The following ASIC2 variants were observed in gnomAD, a reference collection of about 807,000 sequenced individuals.
ASIC2 encodes acid-sensing ion channel 2.
Under a neutral mutation model 57.3 loss-of-function variants are expected in ASIC2, and 25 were observed. The observed-to-expected ratio is 0.44, with a 90% CI of 0.32 to 0.61. The LOEUF is 0.61. Ranked by LOEUF, ASIC2 falls within the 20% of genes least tolerant of loss-of-function variation. ASIC2 has a pLI of 0.06. For synonymous variants in ASIC2, 319 were observed against 307.5 expected, an observed-to-expected ratio of 1.04 and a Z score of -0.39; for missense variants, 641 against 738.1, an observed-to-expected ratio of 0.87 and a Z score of 1.52.
Position 33,456,522 on chromosome 17 carries a change from G to A in ASIC2, c.556-344455C>T, listed in dbSNP as rs1346743601. On this transcript the variant is annotated intron_variant, in intron 1 of 9. Coordinates refer to the ASIC2 transcript ENST00000359872. ...CACCAGCTACTGGGTAGTGACTACTGATACATCTTTCTGATGGCATGTCTT... is the reference window on the plus strand; with the variant it reads ...CACCAGCTACTGGGTAGTGACTACTAATACATCTTTCTGATGGCATGTCTT... 3.3e-5 allele frequency among the ~76,000 whole-genome samples: 5 copies of A among 152,312 alleles called. No individual in the cohort carries two copies. The East Asian group carries it at 7.7e-4, about 23-fold the overall frequency.
At chr17:33,261,530 C>T (rs1004767339) in intron 1 of ASIC2, among the ~76,000 whole-genome samples, 1 of 152,098 alleles carries the variant, frequency 6.6e-6, no homozygotes, top group Non-Finnish European at 1.5e-5. Context: ...GGTTTCTATC[C>T]CCAAGGAGTT....
chr17:33,579,557 G>C (rs1307931026), intron 1 of ASIC2, among the ~76,000 whole-genome samples: 1 of 152,140 alleles, frequency 6.6e-6, no homozygotes, highest in Non-Finnish European at 1.5e-5. Flanking sequence ...GAATGAAAGG[G>C]CAGACCCTAC....
chr17:33,026,096 C>T (rs572363476), intron 4 of ASIC2, 114 bp from the exon 5 acceptor site: 42 of 1,153,020 alleles, frequency 3.6e-5, no homozygotes, highest in African/African-American at 1.7e-4. Flanking sequence ...GAAGGGGCAG[C>T]GGCCTGCCAG....
At chr17:33,676,803 T>C (rs1016526751) in intron 1 of ASIC2, among the ~76,000 whole-genome samples, 1 of 152,224 alleles carries the variant, frequency 6.6e-6, no homozygotes, top group Non-Finnish European at 1.5e-5. Context: ...TGAATACATG[T>C]CTCCACCAAA....
At chr17:33,925,342 G>T (rs972694729) in intron 1 of ASIC2, among the ~76,000 whole-genome samples, 1 of 152,228 alleles carries the variant, frequency 6.6e-6, no homozygotes, top group South Asian at 2.1e-4. Context: ...CCCCTCCAGG[G>T]AAGGCCAATG....
At chr17:33,713,145 G>A (rs1355314194) in intron 1 of ASIC2, among the ~76,000 whole-genome samples, 1 of 152,194 alleles carries the variant, frequency 6.6e-6, no homozygotes, top group African/African-American at 2.4e-5. Context: ...CAGGTCACTA[G>A]GACCAGCCCA....
intron 1 of ASIC2, among the ~76,000 whole-genome samples, chr17:33,802,626 G>A (rs751035872): frequency 7.2e-5 from 11 of 152,186 alleles, no homozygotes; most frequent in Non-Finnish European, 1.6e-4. Flanking sequence ...AGTCTGCCCT[G>A]AATTGTTTCT....
rs529396569 is a variant in ASIC2 at position 33,262,080 on chromosome 17, T to C, written c.708+29328A>G. Among the ~76,000 whole-genome samples, 347 of 152,330 alleles carry C rather than the reference T, an allele frequency of 2.3e-3. 1 individual carries two copies. Among genetic ancestry groups the C allele is most frequent in the Non-Finnish European group, 4.0e-3 (271 of 68,032 alleles). On this transcript the variant is annotated intron_variant, in intron 1 of 9. Coordinates refer to ENST00000225823, the MANE Select transcript of ASIC2 (RefSeq NM_183377.2). ...GGCTGGGGACTGAAGGGTGCTTCCT[T>C]TGAACAGTCTGTGCTCGGCGCCATG...
intron 1 of ASIC2, among the ~76,000 whole-genome samples, chr17:34,093,541 G>C (rs961085732): frequency 8.5e-5 from 13 of 152,204 alleles, no homozygotes; most frequent in African/African-American, 2.7e-4. Context: ...AATCGGGACT[G>C]ACTTATTTCA....
intron 1 of ASIC2, among the ~76,000 whole-genome samples, chr17:33,675,925 T>G (rs866932161): frequency 1.3e-5 from 2 of 152,362 alleles, no homozygotes; most frequent in South Asian, 4.1e-4. Context: ...AATGCATTTT[T>G]TACAAATTGA....
At chr17:33,375,405 T>A (rs1036909074) in intron 1 of ASIC2, among the ~76,000 whole-genome samples, 2 of 150,970 alleles carry the variant, frequency 1.3e-5, no homozygotes, top group African/African-American at 4.9e-5. Context: ...AGGGGGAGAG[T>A]GGCAGGAGAA....
chr17:33,173,604 G>A (rs1020560666), intron 1 of ASIC2, among the ~76,000 whole-genome samples: 1 of 152,180 alleles, frequency 6.6e-6, no homozygotes, highest in African/African-American at 2.4e-5. Context: ...AGCAGTGAGT[G>A]TGACTTGTTT....
chr17:33,666,359 G>T (rs908770637), intron 1 of ASIC2, among the ~76,000 whole-genome samples: 1 of 152,114 alleles, frequency 6.6e-6, no homozygotes, highest in Non-Finnish European at 1.5e-5. Flanking sequence ...TGAGTGTGTG[G>T]GTGGCAGAAG....
intron 1 of ASIC2, among the ~76,000 whole-genome samples, chr17:34,112,043 T>A (rs762026362): frequency 2.6e-5 from 4 of 152,186 alleles, no homozygotes; most frequent in Non-Finnish European, 4.4e-5. Flanking sequence ...GACTTTTTTT[T>A]AAGGTATTAG....
intron 1 of ASIC2, among the ~76,000 whole-genome samples, chr17:34,128,284 C>T (rs1911847791): frequency 6.6e-6 from 1 of 152,014 alleles, no homozygotes; most frequent in South Asian, 2.1e-4. Context: ...ACACCTTGTC[C>T]CTATTGAGAA....
intron 1 of ASIC2, among the ~76,000 whole-genome samples, chr17:33,391,310 T>C (rs1014311656): frequency 6.6e-6 from 1 of 152,242 alleles, no homozygotes; most frequent in Non-Finnish European, 1.5e-5. Flanking sequence ...ACTGTCTTCC[T>C]GATCTTTTAC....
chr17:34,075,782 C>G (rs1304721877), intron 1 of ASIC2, among the ~76,000 whole-genome samples: 4 of 151,448 alleles, frequency 2.6e-5, no homozygotes, highest in Non-Finnish European at 4.4e-5. Context: ...GAATGCTCTT[C>G]CTCCAGACAT....
At chr17:33,154,852 AT>A (rs1392038856) in intron 1 of ASIC2, among the ~76,000 whole-genome samples, 2 of 152,254 alleles carry the variant, frequency 1.3e-5, no homozygotes, top group African/African-American at 4.8e-5. Flanking sequence ...TAATTAAAAA[AT>A]AAATCCTTTT....
intron 1 of ASIC2, among the ~76,000 whole-genome samples, chr17:33,246,050 G>A (rs1031514167): frequency 6.8e-6 from 1 of 147,626 alleles, no homozygotes; most frequent in Admixed American, 6.7e-5. Context: ...AAAAGTCACT[G>A]TGGATTCCTG....
Sources: gnomAD v4.1 joint callset for allele counts (sites outside exome capture counted in the v4.1 genomes callset) on GRCh38, gnomAD v4.1.1 for gene constraint, MANE v1.5 for transcripts, NCBI Gene and HGNC (gene_info 2026-07-23, HGNC 2026-07-21) for gene names.